CD163L1: variants seen among roughly 807,000 people sequenced by gnomAD.
CD163L1 encodes CD163 molecule like 1.
Under a neutral mutation model 165.4 loss-of-function variants are expected in CD163L1, and 124 were observed. That is an observed-to-expected ratio of 0.75 (90% CI 0.65 to 0.87). The LOEUF is 0.87. Ranked by LOEUF, CD163L1 falls within the 40% of genes least tolerant of loss-of-function variation. The pLI is 0.00. For missense variants in CD163L1, 1,525 were observed against 1,799.9 expected (o/e 0.85, Z 2.76); for synonymous variants, 585 against 662.2 (o/e 0.88, Z 1.79).
rs1469159188 is a variant in CD163L1, at chr12:7,406,651, A to G, written c.968T>C (p.Val323Ala). The change falls in exon 5 of 20, where the codon GTT (valine) becomes GCT (alanine). Residue 323 changes from valine (V) to alanine (A), a missense_variant. Coordinates refer to ENST00000313599, the MANE Select transcript of CD163L1 (RefSeq NM_174941.6). ...GCAGGAGACACCATCAAGCCATACA[A>G]CATCAGACCCTGACTGCAAATGAGG... ...GLPHLQSGSD[V>A]VWLDGVSCSG... 1.2e-6 allele frequency: 2 copies of G among 1,614,022 alleles called. No individual in the cohort carries two copies. The highest frequency in any genetic ancestry group is 1.1e-5 in the South Asian group (1 of 91,082).
At chr12:7,361,387 G>T (rs2136386014) in intron 18 of CD163L1, among the ~76,000 whole-genome samples, 1 of 152,216 alleles carries the variant, frequency 6.6e-6, no homozygotes, top group Non-Finnish European at 1.5e-5. Context: ...CTGCAGTAAA[G>T]GTTCACATGA....
At chr12:7,424,879 A>G (rs1948513092) in intron 4 of CD163L1, among the ~76,000 whole-genome samples, 1 of 152,220 alleles carries the variant, frequency 6.6e-6, no homozygotes, top group Non-Finnish European at 1.5e-5. Context: ...ATGGATAAAA[A>G]GATTCAATAC....
At chr12:7,436,244 G>A (rs1183777721) in intron 2 of CD163L1, among the ~76,000 whole-genome samples, 1 of 152,090 alleles carries the variant, frequency 6.6e-6, no homozygotes, top group East Asian at 1.9e-4. Flanking sequence ...TTATAAAATG[G>A]CCATTTTTGT....
chr12:7,411,608 C>T (rs1176004009), intron 4 of CD163L1, among the ~76,000 whole-genome samples: 2 of 152,186 alleles, frequency 1.3e-5, no homozygotes, highest in Non-Finnish European at 2.9e-5. Context: ...TGGCCTTCTG[C>T]CATGATTGTA....
chr12:7,427,239 G>A (rs971053644), intron 4 of CD163L1, among the ~76,000 whole-genome samples: 6 of 152,046 alleles, frequency 3.9e-5, no homozygotes, highest in Non-Finnish European at 7.4e-5. Flanking sequence ...TAAAGTAGCA[G>A]AATATAGCTT....
Position 7,406,697 on chromosome 12 carries a change from C to T in CD163L1, c.922G>A (p.Ala308Thr), listed in dbSNP as rs148507764. 42 of 1,613,938 alleles carry T rather than the reference C, an allele frequency of 2.6e-5. No individual in the cohort carries two copies. The highest frequency in any genetic ancestry group is 1.6e-4 in the Middle Eastern group (1 of 6,082). ...VVCKQLGCGT[A>T]LHFAGLPHLQ... The stretch of plus-strand genomic sequence containing the variant: ...TGAGGCAAGCCAGCGAAGTGAAGTG[C>T]GGTTCCACATCCCAACTGCTTGCAT... The change falls in exon 5 of 20, where the codon GCA (alanine) becomes ACA (threonine). Residue 308 changes from alanine (A) to threonine (T), a missense_variant. Coordinates refer to ENST00000313599, the MANE Select transcript of CD163L1 (RefSeq NM_174941.6).
In CD163L1 at chr12:7,369,712, TGGGAGAATGCTGAGGTAGAA is replaced by T. The variant is rs1555194924; in HGVS notation, c.3731-67_3731-48del. The T allele has an allele frequency of 6.4e-7, 1 of 1,554,466 alleles. No homozygotes were observed. Among genetic ancestry groups the T allele is most frequent in the Non-Finnish European group, 8.8e-7 (1 of 1,138,342 alleles). ...CTGTCTTTACTCCTGAAGGAGGTTG[TGGGAGAATGCTGAGGTAGAA>T]AAACTTGAAAGTAGCAAATGTGCTT... On this transcript the variant is annotated intron_variant, in intron 14 of 19. Coordinates refer to ENST00000313599, the MANE Select transcript of CD163L1 (RefSeq NM_174941.6). This position sits in a 1 kb window ranked among gnomAD's most constrained non-coding sequence, Gnocchi z 4.9.
chr12:7,364,781 T>C (rs190207038), intron 18 of CD163L1, among the ~76,000 whole-genome samples: 24 of 151,576 alleles, frequency 1.6e-4, no homozygotes, highest in Admixed American at 7.2e-4. Context: ...ATGAAAGAAA[T>C]AGAAGAGGAC....
At chr12:7,322,384 T>C in the CD163L1 span, 1 of 1,612,550 alleles carries the variant, frequency 6.2e-7, no homozygotes, top group South Asian at 1.1e-5. Flanking sequence ...CTCAGGTTCC[T>C]CTTGAAAAGA....
In CD163L1 at chr12:7,374,822, T is replaced by C; in HGVS notation, c.3094+9A>G. 6.2e-7 allele frequency: 1 copy of C among 1,614,200 alleles called. No individual in the cohort carries two copies. The highest frequency in any genetic ancestry group is 8.5e-7 in the Non-Finnish European group (1 of 1,180,022). Reference sequence around the variant, plus strand: ...AGTTGCAGTGTTTCCTAAAACTGATTCTGCTTACCTAAGCAGATCAAAGCA... The same window carrying C: ...AGTTGCAGTGTTTCCTAAAACTGATCCTGCTTACCTAAGCAGATCAAAGCA... On this transcript the variant is annotated intron_variant, in intron 12 of 19. Transcript: ENST00000313599. The surrounding 1 kb of genome is among the most constrained non-coding windows in gnomAD (Gnocchi z 5.4).
At chr12:7,346,593 T>A (rs1946671797), downstream of CD163L1, 1 of 152,210 alleles carries the variant, frequency 6.6e-6, no homozygotes, top group African/African-American at 2.4e-5. Context: ...TTCACCAAAA[T>A]GTAATTCTTT....
At chr12:7,360,932 TTGGAGAAAG>T (rs1351404819) in intron 18 of CD163L1, among the ~76,000 whole-genome samples, 1 of 151,668 alleles carries the variant, frequency 6.6e-6, no homozygotes, top group Non-Finnish European at 1.5e-5. Context: ...TTAAAACACT[TTGGAGAAAG>T]TGGGTTTTTG....
chr12:7,405,273 T>A (rs1947994502), intron 5 of CD163L1, among the ~76,000 whole-genome samples: 1 of 152,144 alleles, frequency 6.6e-6, no homozygotes. Context: ...TAAGATTCTC[T>A]CTGTTTCCTT....
chr12:7,399,435 T>TTCTTCC (rs747231734), intron 6 of CD163L1, among the ~76,000 whole-genome samples: 1 of 150,440 alleles, frequency 6.6e-6, no homozygotes, highest in Non-Finnish European at 1.5e-5. Context: ...CCCATTCTTC[T>TTCTTCC]TCTTCCTCTT....
intron 4 of CD163L1, among the ~76,000 whole-genome samples, chr12:7,421,468 T>TATACATATATGTACATATATACATATAC (rs1555202363): frequency 1.1e-5 from 1 of 93,400 alleles, no homozygotes; most frequent in African/African-American, 6.5e-5. Context: ...TATATACATA[T>TATACATATATGTACATATATACATATAC]ATATACATAT....
rs747674957 is a variant in CD163L1, at chr12:7,379,194, A to G, written c.2155T>C (p.Trp719Arg). ...GAVGILCANG[W>R]GMNIAEVVCR... ...ACAACTTCAGCAATGTTCATTCCCC[A>G]GCCATTAGCACACAGAATTCCCACG... The change falls in exon 9 of 20, where the codon TGG becomes CGG. Residue 719 changes from tryptophan (W) to arginine (R), a missense_variant. Transcript: ENST00000313599. The G allele has an allele frequency of 3.1e-6, 5 of 1,614,184 alleles. No homozygotes were observed. The highest frequency in any genetic ancestry group is 3.4e-6 in the Non-Finnish European group (4 of 1,180,022).
At chr12:7,408,388 GTAT>G (rs148241742) in intron 4 of CD163L1, among the ~76,000 whole-genome samples, 11,377 of 151,960 alleles carry the variant, frequency 0.075, 445 homozygotes, top group African/African-American at 0.11. Context: ...TAGTCACAGT[GTAT>G]TATTATTTTA....
intron 4 of CD163L1, among the ~76,000 whole-genome samples, chr12:7,419,129 T>C (rs1277938961): frequency 6.6e-6 from 1 of 151,696 alleles, no homozygotes; most frequent in African/African-American, 2.4e-5. Flanking sequence ...CACTAGCTAA[T>C]TGAATCCAAC....
chr12:7,390,258 C>T (rs1489171490), intron 8 of CD163L1, among the ~76,000 whole-genome samples: 1 of 151,714 alleles, frequency 6.6e-6, no homozygotes, highest in Non-Finnish European at 1.5e-5. Flanking sequence ...TACAGTTAAA[C>T]AGAAGGAATA....
Sources: gnomAD v4.1 joint callset for allele counts (sites outside exome capture counted in the v4.1 genomes callset) on GRCh38, gnomAD v4.1.1 for gene constraint, Gnocchi (gnomAD v3.1) non-coding constraint, MANE v1.5 for transcripts, NCBI Gene and HGNC (gene_info 2026-07-23, HGNC 2026-07-21) for gene names.